ALDH7A1: variants seen among roughly 807,000 people sequenced by gnomAD.
ALDH7A1 encodes aldehyde dehydrogenase 7 family member A1.
Under a neutral mutation model 79.9 loss-of-function variants are expected in ALDH7A1, and 63 were observed. That is an observed-to-expected ratio of 0.79 (90% CI 0.64 to 0.97). ALDH7A1 has a LOEUF of 0.97. Among genes scored for constraint, ALDH7A1 ranks in the 50% least tolerant of loss-of-function variants. The pLI, the probability that ALDH7A1 is intolerant of heterozygous loss-of-function variation, is 0.00. For missense variants in ALDH7A1, 627 were observed against 665.2 expected, an observed-to-expected ratio of 0.94 and a Z score of 0.63; for synonymous variants, 240 against 231.2, an observed-to-expected ratio of 1.04 and a Z score of -0.34.
chr5:126,588,057 G>T (rs148402488), intron 3 of ALDH7A1: 1 of 152,200 alleles, frequency 6.6e-6, no homozygotes, highest in Non-Finnish European at 1.5e-5. Context: ...GCAGAGGCTG[G>T]CATGGTGGGT....
chr5:126,558,099 T>C (rs550477184), intron 11 of ALDH7A1, among the ~76,000 whole-genome samples: 15 of 123,706 alleles, frequency 1.2e-4, no homozygotes, highest in Non-Finnish European at 1.6e-4. Flanking sequence ...ATCCAGGAGG[T>C]GGAGGTTGCA....
chr5:126,574,018 T>G (rs1581384997), intron 7 of ALDH7A1, among the ~76,000 whole-genome samples: 1 of 104,798 alleles, frequency 9.5e-6, no homozygotes, highest in Admixed American at 1.0e-4. Flanking sequence ...CAACAAAGAC[T>G]GTCTCAAAAA....
At chr5:126,581,404 G>A (rs1321293825) in intron 5 of ALDH7A1, 1 of 151,410 alleles carries the variant, frequency 6.6e-6, no homozygotes, top group African/African-American at 2.4e-5. Flanking sequence ...GGGAGGTTGA[G>A]ACAGGCAGAT....
intron 8 of ALDH7A1, 169 bp from the exon 9 acceptor site, chr5:126,568,525 T>G: frequency 3.0e-6 from 2 of 660,392 alleles, no homozygotes; most frequent in South Asian, 3.2e-5. Context: ...AAAAAGTTTT[T>G]CACAGGTAGA....
chr5:126,550,469 A>G (rs570149419), intron 14 of ALDH7A1, among the ~76,000 whole-genome samples, 176 bp from the exon 15 acceptor site: 1 of 146,176 alleles, frequency 6.8e-6, no homozygotes, highest in Admixed American at 6.7e-5. Context: ...TAATAAGTAA[A>G]AAATTTTGGG....
intron 3 of ALDH7A1, among the ~76,000 whole-genome samples, chr5:126,585,127 A>G (rs1001243035): frequency 3.3e-5 from 5 of 152,008 alleles, no homozygotes; most frequent in African/African-American, 1.2e-4. Flanking sequence ...GTGAAACCCC[A>G]TCTTTACTAA....
chr5:126,583,737 G>A (rs910787533), intron 4 of ALDH7A1, among the ~76,000 whole-genome samples, 195 bp downstream of exon 4: 1 of 151,750 alleles, frequency 6.6e-6, no homozygotes, highest in African/African-American at 2.4e-5. Flanking sequence ...CTACTCGGGA[G>A]GCTCAGGCAG....
Position 126,547,957 on chromosome 5 carries a change from C to T in ALDH7A1, c.1490-1558G>A, listed in dbSNP as rs565495046. Among the ~76,000 whole-genome samples the T allele has an allele frequency of 4.6e-5, 7 of 151,326 alleles. No homozygotes were observed. In the South Asian group the frequency reaches 6.3e-4, roughly 14 times the overall value. On this transcript the variant is annotated intron_variant, in intron 16 of 17. Coordinates refer to ENST00000409134, the MANE Select transcript of ALDH7A1 (RefSeq NM_001182.5). ...ATCCCAGCTACTCACGAGGTTGAGG[C>T]GGGAGAATTGCTTGAACTGGGGAGG... is the stretch of plus-strand genomic sequence containing the variant.
In ALDH7A1 at chr5:126,582,841, C is replaced by A; in HGVS notation, c.517+10G>T. ...GTACAAAACTCAGCTTAACTAATTT[C>A]ATTGCTTACTTTCAGAAGGCAAGAT... On this transcript the variant is annotated intron_variant, in intron 5 of 17. Transcript: ENST00000409134. The A allele has an allele frequency of 1.2e-6, 2 of 1,611,982 alleles. No individual in the cohort carries two copies. The highest frequency in any genetic ancestry group is 1.1e-5 in the South Asian group (1 of 90,978).
At chr5:126,593,509 A>C in intron 1 of ALDH7A1, 105 bp from the exon 2 acceptor site, 1 of 1,491,210 alleles carries the variant, frequency 6.7e-7, no homozygotes, top group Non-Finnish European at 9.3e-7. Context: ...AAATGATATA[A>C]TACCCAAACT....
At chr5:126,559,963 GAGACGGAGTCTCAC>G (rs11269202) in intron 10 of ALDH7A1, among the ~76,000 whole-genome samples, 28,879 of 150,600 alleles carry the variant, frequency 0.19, 2,926 homozygotes, top group Middle Eastern at 0.22. Context: ...CTTTTTTTCT[GAGACGGAGTCTCAC>G]TCTGTCACCC....
chr5:126,577,512 C>T (rs1456824589), intron 5 of ALDH7A1, among the ~76,000 whole-genome samples: 1 of 152,074 alleles, frequency 6.6e-6, no homozygotes, highest in Non-Finnish European at 1.5e-5. Context: ...GATGGGTGCC[C>T]TAGGTGGTAT....
intron 3 of ALDH7A1, among the ~76,000 whole-genome samples, chr5:126,585,940 G>T (rs941013546): frequency 3.9e-5 from 6 of 152,156 alleles, no homozygotes. Flanking sequence ...ATTCATTGCA[G>T]TGCTGTTTCT....
intron 7 of ALDH7A1, among the ~76,000 whole-genome samples, chr5:126,573,392 G>T (rs926570486): frequency 2.0e-5 from 3 of 151,880 alleles, no homozygotes; most frequent in African/African-American, 7.2e-5. Flanking sequence ...GAAACCCCAT[G>T]TCTACTAAAA....
chr5:126,593,247 C>A (rs770352508), intron 2 of ALDH7A1, 104 bp downstream of exon 2: 14 of 1,522,010 alleles, frequency 9.2e-6, no homozygotes, highest in Non-Finnish European at 1.1e-5. Flanking sequence ...TCTTGACCTG[C>A]CTAACTGGCT....
In ALDH7A1 at chr5:126,541,997, TACA is replaced by T. The variant is rs948225017; in HGVS notation, c.*2965_*2967del. On this transcript the variant is annotated 3_prime_UTR_variant, in exon 18 of 18. Transcript: ENST00000409134. ...AAAAAAAGAGCAAACTCTAACTGCCTACAACATTTTAAATCTAGAATCCTATAT... is the reference window on the plus strand; with the variant it reads ...AAAAAAAGAGCAAACTCTAACTGCCTACATTTTAAATCTAGAATCCTATAT... 9.2e-5 allele frequency: 14 copies of T among 151,664 alleles called. No homozygotes were observed. Among genetic ancestry groups the T allele is most frequent in the Admixed American group, 7.2e-4 (11 of 15,262 alleles). 9.4% of individuals were successfully genotyped at this position (151,664 alleles called of 1,614,324 possible).
intron 9 of ALDH7A1, among the ~76,000 whole-genome samples, chr5:126,562,861 ATTATG>A (rs1296624273): frequency 6.6e-6 from 1 of 152,122 alleles, no homozygotes; most frequent in African/African-American, 2.4e-5. Context: ...CCTTGTAGAC[ATTATG>A]TTAAGTGAAA....
At chr5:126,583,363 C>T (rs574862388) in intron 4 of ALDH7A1, among the ~76,000 whole-genome samples, 36 of 151,834 alleles carry the variant, frequency 2.4e-4, no homozygotes, top group Non-Finnish European at 4.6e-4. Flanking sequence ...CACCTGTAAT[C>T]CCAGCTACTC....
intron 6 of ALDH7A1, 59 bp downstream of exon 6, chr5:126,577,020 T>C (rs1581388412): frequency 6.2e-7 from 1 of 1,609,894 alleles, no homozygotes; most frequent in Admixed American, 1.7e-5. Context: ...GAGGTAGTAG[T>C]ATCTAGAAAT....
Sources: allele counts gnomAD v4.1 joint callset (sites outside exome capture counted in the v4.1 genomes callset), GRCh38; gene constraint gnomAD v4.1.1; transcripts MANE v1.5; gene names NCBI Gene and HGNC (gene_info 2026-07-23, HGNC 2026-07-21).